NCK2: variants seen among roughly 807,000 people sequenced by gnomAD.
NCK2 encodes the protein cytoplasmic protein NCK2.
NCK2 carries 16 observed loss-of-function variants against 33.9 expected under a neutral mutation model. That is an observed-to-expected ratio of 0.47 (90% CI 0.32 to 0.72). The LOEUF is 0.72. NCK2 is among the 30% of genes least tolerant of loss of function. NCK2 has a pLI of 0.03. For missense variants in NCK2, 418 were observed against 537.3 expected (o/e 0.78, Z 2.19); for synonymous variants, 273 against 239.9 (o/e 1.14, Z -1.27).
chr2:105,765,786 G>T (rs35853228), intron 1 of NCK2, among the ~76,000 whole-genome samples: 48,769 of 147,254 alleles, frequency 0.33, 8,765 homozygotes, highest in East Asian at 0.46. Context: ...TAGAATAGGG[G>T]GTGTGTGTGT....
chr2:105,754,305 G>A (rs1443934520), intron 1 of NCK2, among the ~76,000 whole-genome samples: 1 of 152,222 alleles, frequency 6.6e-6, no homozygotes, highest in African/African-American at 2.4e-5. Context: ...CAGGAAGTGA[G>A]AAGTGAAAAG....
rs527640107 is a variant in NCK2 at position 105,793,631 on chromosome 2, A to G, written c.-200-22799A>G. ...GTTTATTTCTTTGTTTTGAGTAGCAATTGTGGAACTCTGATTTAAGATACT... is the reference window on the plus strand; with the variant it reads ...GTTTATTTCTTTGTTTTGAGTAGCAGTTGTGGAACTCTGATTTAAGATACT... On this transcript the variant is annotated intron_variant, in intron 1 of 4. Transcript: ENST00000233154. Among the ~76,000 whole-genome samples, 12 of 152,350 alleles carry G rather than the reference A, an allele frequency of 7.9e-5. No homozygotes were observed. The East Asian group carries it at 9.6e-4, about 12-fold the overall frequency.
At chr2:105,824,415 T>A (rs1675866628) in intron 2 of NCK2, among the ~76,000 whole-genome samples, 1 of 152,182 alleles carries the variant, frequency 6.6e-6, no homozygotes, top group African/African-American at 2.4e-5. Context: ...GATTTTGTTG[T>A]GTTCACAAAG....
At chr2:105,776,648 A>G (rs1461978788) in intron 1 of NCK2, among the ~76,000 whole-genome samples, 2 of 152,194 alleles carry the variant, frequency 1.3e-5, no homozygotes, top group Non-Finnish European at 2.9e-5. Context: ...AGATGATGCC[A>G]GCTAGCAAGC....
At position 105,758,341 on chromosome 2, in the gene NCK2, T is replaced by G. The variant is rs530281349; in HGVS notation, c.-201+13203T>G. Among the ~76,000 whole-genome samples, 5 of 152,252 alleles carry G rather than the reference T, an allele frequency of 3.3e-5. No homozygotes were observed. The South Asian group carries it at 1.0e-3, about 32-fold the overall frequency. On this transcript the variant is annotated intron_variant, in intron 1 of 4. Transcript: ENST00000233154. ...CAGGTTTGTTTTATCCTATTGATGG[T>G]TTCATTTGAACTGTGTTTGGAAATT...
At chr2:105,808,624 T>C (rs189609239) in intron 1 of NCK2, among the ~76,000 whole-genome samples, 2 of 152,302 alleles carry the variant, frequency 1.3e-5, no homozygotes, top group East Asian at 3.9e-4. Flanking sequence ...GAGTGCCACG[T>C]GACTGCAGGG....
At chr2:105,803,802 C>T (rs1674933456) in intron 1 of NCK2, among the ~76,000 whole-genome samples, 1 of 152,158 alleles carries the variant, frequency 6.6e-6, no homozygotes, top group Admixed American at 6.5e-5. Flanking sequence ...CACCTAGAAG[C>T]TTTTATAAAC....
chr2:105,765,786 G>GGTGTGTGTGT (rs56917992), intron 1 of NCK2, among the ~76,000 whole-genome samples: 1 of 147,220 alleles, frequency 6.8e-6, no homozygotes, highest in Non-Finnish European at 1.5e-5. Context: ...TAGAATAGGG[G>GGTGTGTGTGT]GTGTGTGTGT....
At chr2:105,808,887 G>A (rs529693687) in intron 1 of NCK2, among the ~76,000 whole-genome samples, 1 of 152,288 alleles carries the variant, frequency 6.6e-6, no homozygotes, top group Non-Finnish European at 1.5e-5. Context: ...AGTGTTTGTG[G>A]GCAAACTAAT....
chr2:105,791,395 G>A (rs774005469), intron 1 of NCK2, among the ~76,000 whole-genome samples: 4 of 152,158 alleles, frequency 2.6e-5, no homozygotes, highest in Non-Finnish European at 5.9e-5. Context: ...GGAAGGCTCG[G>A]TGGCTTTCAC....
chr2:105,863,023 A>G (rs147525703), intron 3 of NCK2, among the ~76,000 whole-genome samples: 2 of 151,820 alleles, frequency 1.3e-5, no homozygotes, highest in Admixed American at 6.5e-5. Context: ...CCAGATGTCA[A>G]CGTGCCCAGC....
chr2:105,766,679 G>A (rs775946996), intron 1 of NCK2, among the ~76,000 whole-genome samples: 18 of 152,112 alleles, frequency 1.2e-4, no homozygotes, highest in Non-Finnish European at 1.9e-4. Flanking sequence ...TTTCAGGGTA[G>A]TCTGTGAGGG....
At chr2:105,868,501 T>C (rs1340379551) in intron 3 of NCK2, among the ~76,000 whole-genome samples, 1 of 152,172 alleles carries the variant, frequency 6.6e-6, no homozygotes, top group Non-Finnish European at 1.5e-5. Context: ...TAGTTGTTGA[T>C]TGTCTGATTT....
intron 3 of NCK2, among the ~76,000 whole-genome samples, chr2:105,861,901 TTTCCTCCCTCCC>T (rs1677549807): frequency 2.6e-5 from 3 of 113,804 alleles, no homozygotes; most frequent in Non-Finnish European, 5.2e-5. Flanking sequence ...CCTGGAATTC[TTTCCTCCCTCCC>T]TCCCTCCCTC....
intron 4 of NCK2, among the ~76,000 whole-genome samples, chr2:105,892,157 C>T (rs557536936): frequency 2.0e-5 from 3 of 151,482 alleles, no homozygotes; most frequent in Admixed American, 2.0e-4. Context: ...GCACTCTAGC[C>T]TGGGCAACAA....
At position 105,893,997 on chromosome 2, in the gene NCK2, G is replaced by T. The variant is rs560121970; in HGVS notation, c.*821G>T. 2.3e-5 allele frequency: 1 copy of T among 42,794 alleles called. No homozygotes were observed. The allele number at this position is 42,794 out of a possible 1,614,324, so 2.7% of individuals were successfully genotyped here. On this transcript the variant is annotated 3_prime_UTR_variant, in exon 5 of 5. Transcript: ENST00000233154. ...ACCAACACTTTATACACACACACAC[G>T]TGCACACACACACACACACACACTA...
chr2:105,761,257 C>T (rs954774914), intron 1 of NCK2, among the ~76,000 whole-genome samples: 1 of 152,204 alleles, frequency 6.6e-6, no homozygotes, highest in Admixed American at 6.5e-5. Context: ...CAGAAGCTGG[C>T]GTGGGGAGGG....
At chr2:105,789,045 C>T (rs13401952) in intron 1 of NCK2, among the ~76,000 whole-genome samples, 35,263 of 152,048 alleles carry the variant, frequency 0.23, 5,521 homozygotes, top group African/African-American at 0.44. Context: ...TCCCGATGCC[C>T]GCAGCCTCAC....
At chr2:105,826,866 G>T (rs11885238) in intron 2 of NCK2, among the ~76,000 whole-genome samples, 129,330 of 152,160 alleles carry the variant, frequency 0.85, 55,032 homozygotes, top group Middle Eastern at 0.88. Flanking sequence ...GAAAAAGATA[G>T]ACCATGCAAA....
Sources: gnomAD v4.1 joint callset for allele counts (sites outside exome capture counted in the v4.1 genomes callset) on GRCh38, gnomAD v4.1.1 for gene constraint, MANE v1.5 for transcripts, NCBI Gene and HGNC (gene_info 2026-07-23, HGNC 2026-07-21) for gene names.